The following OSBPL3 variants were observed in gnomAD, a reference collection of about 807,000 sequenced individuals.
OSBPL3 encodes oxysterol-binding protein-related protein 3.
A neutral mutation model predicts 120.1 loss-of-function variants in OSBPL3; 65 were observed. That is an observed-to-expected ratio of 0.54 (90% CI 0.44 to 0.67). The LOEUF (loss-of-function observed/expected upper bound fraction) is 0.67, where lower values mean the gene tolerates loss of function less well. OSBPL3 is among the 30% of genes least tolerant of loss of function. OSBPL3 has a pLI of 0.00. For missense variants in OSBPL3, 1,004 were observed against 1,082.1 expected, an observed-to-expected ratio of 0.93 and a Z score of 1.01; for synonymous variants, 416 against 402.6, an observed-to-expected ratio of 1.03 and a Z score of -0.40.
rs1391338255 is a variant in OSBPL3, at chr7:24,822,517, G to T, written c.1885-2279C>A. ...AGCTGGCATGACCCACTATGAAATG[G>T]AAGGAAAGCTATGAAATGTTCCTCT... On this transcript the variant is annotated intron_variant, in intron 16 of 22. Coordinates refer to ENST00000313367, the MANE Select transcript of OSBPL3 (RefSeq NM_015550.4). The surrounding 1 kb of genome is among the most constrained non-coding windows in gnomAD (Gnocchi z 5.8). Among the ~76,000 whole-genome samples the T allele has an allele frequency of 6.6e-6, 1 of 152,134 alleles. No individual in the cohort carries two copies. Among genetic ancestry groups the T allele is most frequent in the Non-Finnish European group, 1.5e-5 (1 of 68,008 alleles).
rs150613794 is a variant in OSBPL3, at chr7:24,913,552, G to C, written c.-149-20931C>G. Among the ~76,000 whole-genome samples the C allele has an allele frequency of 8.5e-4, 129 of 152,230 alleles. 1 individual carries two copies. The highest frequency in any genetic ancestry group is 2.8e-3 in the African/African-American group (117 of 41,530). ...GGGGCCAATCAGCTGACAAAGGCCG[G>C]TATGTGTCTGATAGTGACAGACACA... On this transcript the variant is annotated intron_variant, in intron 1 of 22. Coordinates refer to ENST00000313367, the MANE Select transcript of OSBPL3 (RefSeq NM_015550.4). This position sits in a 1 kb window ranked among gnomAD's most constrained non-coding sequence, Gnocchi z 5.3.
rs567119164 is a variant in OSBPL3 at position 24,946,631 on chromosome 7, G to A, written c.-150+33255C>T. On this transcript the variant is annotated intron_variant, in intron 1 of 22. Coordinates refer to ENST00000313367, the MANE Select transcript of OSBPL3 (RefSeq NM_015550.4). This position sits in a 1 kb window ranked among gnomAD's most constrained non-coding sequence, Gnocchi z 4.3. ...AGCCTAACAAGAGGGTTACAAAGCT[G>A]CTTTTGGACTTTGGACTCCTAAGCA... 6.6e-6 allele frequency among the ~76,000 whole-genome samples: 1 copy of A among 152,328 alleles called. No individual in the cohort carries two copies. Among genetic ancestry groups the A allele is most frequent in the African/African-American group, 2.4e-5 (1 of 41,578 alleles).
rs868406035 is a variant in OSBPL3, at chr7:24,913,087, G to C, written c.-149-20466C>G. On this transcript the variant is annotated intron_variant, in intron 1 of 22. Coordinates refer to ENST00000313367, the MANE Select transcript of OSBPL3 (RefSeq NM_015550.4). The surrounding 1 kb of genome is among the most constrained non-coding windows in gnomAD (Gnocchi z 5.3). ...CATGTGACTGAGCAAGGATTCAAAT[G>C]TCCCAGCCTCCAGCCTTCCTGCTGT... is the stretch of plus-strand genomic sequence containing the variant. 1.7e-4 allele frequency among the ~76,000 whole-genome samples: 26 copies of C among 152,330 alleles called. No homozygotes were observed. The highest frequency in any genetic ancestry group is 6.0e-4 in the African/African-American group (25 of 41,580).
In OSBPL3 at chr7:24,881,450, GAGATA is replaced by G. The variant is rs1239128272; in HGVS notation, c.97-9386_97-9382del. ...GTCCAAAGCTCATTATCAGGAACTA[GAGATA>G]CAAAGATGTAAAATCAAGTGCTGGA... On this transcript the variant is annotated intron_variant, in intron 2 of 22. Transcript: ENST00000313367. The surrounding 1 kb of genome is among the most constrained non-coding windows in gnomAD (Gnocchi z 4.3). 6.6e-6 allele frequency among the ~76,000 whole-genome samples: 1 copy of G among 152,198 alleles called. No individual in the cohort carries two copies. The highest frequency in any genetic ancestry group is 1.5e-5 in the Non-Finnish European group (1 of 68,024).
At chr7:24,847,979 G>C (rs1335843217) in intron 12 of OSBPL3, among the ~76,000 whole-genome samples, 1 of 152,226 alleles carries the variant, frequency 6.6e-6, no homozygotes, top group Non-Finnish European at 1.5e-5. Context: ...TTAACCACTA[G>C]CATGTGCCTC....
In OSBPL3 at chr7:24,939,394, G is replaced by A. The variant is rs188776633; in HGVS notation, c.-150+40492C>T. The stretch of plus-strand genomic sequence containing the variant: ...CTCCCCAACCCCAGCTGTAAATCCT[G>A]ACAATTCTAAACCTATCAGGTAAAA... On this transcript the variant is annotated intron_variant, in intron 1 of 22. Coordinates refer to ENST00000313367, the MANE Select transcript of OSBPL3 (RefSeq NM_015550.4). The surrounding 1 kb of genome is among the most constrained non-coding windows in gnomAD (Gnocchi z 4.2). 6.6e-6 allele frequency among the ~76,000 whole-genome samples: 1 copy of A among 152,294 alleles called. No individual in the cohort carries two copies. The highest frequency in any genetic ancestry group is 1.9e-4 in the East Asian group (1 of 5,174).
chr7:24,944,077 A>T (rs906838627), intron 1 of OSBPL3, among the ~76,000 whole-genome samples: 1 of 29,666 alleles, frequency 3.4e-5, no homozygotes, highest in African/African-American at 1.1e-4. Flanking sequence ...AGTCTAAAGT[A>T]AAAAAAAAAA....
intron 1 of OSBPL3, among the ~76,000 whole-genome samples, chr7:24,963,285 G>T (rs994734361): frequency 1.3e-5 from 2 of 152,146 alleles, no homozygotes; most frequent in African/African-American, 2.4e-5. Flanking sequence ...ACCAAAGAAG[G>T]GGGTGTTGGA....
intron 14 of OSBPL3, among the ~76,000 whole-genome samples, chr7:24,839,817 C>T (rs575516718): frequency 4.6e-5 from 7 of 151,578 alleles, no homozygotes; most frequent in East Asian, 1.9e-4. Flanking sequence ...GGTGAAACCT[C>T]GTCTCCACCG....
At chr7:24,848,882 C>G (rs367792652) in intron 12 of OSBPL3, among the ~76,000 whole-genome samples, 187 bp downstream of exon 12, 2 of 152,116 alleles carry the variant, frequency 1.3e-5, no homozygotes, top group African/African-American at 4.8e-5. Flanking sequence ...TAGCAGCATA[C>G]GCTCAAGAAA....
intron 1 of OSBPL3, among the ~76,000 whole-genome samples, chr7:24,929,000 A>G (rs148640989): frequency 1.3e-5 from 2 of 152,282 alleles, no homozygotes; most frequent in African/African-American, 4.8e-5. Context: ...CTCTTGGGTA[A>G]ATACAAAGAA....
At position 24,863,592 on chromosome 7, in the gene OSBPL3, C is replaced by T. The variant is rs78399024; in HGVS notation, c.681G>A (p.Ala227=). ...EDMEKCSKDL[A]HCHAYLVEMS... Reference sequence around the variant, plus strand: ...TTTCTACCAGGTAGGCATGACAGTGCGCCAGGTCTGTGGGGGAAAAGAGGA... The same window carrying T: ...TTTCTACCAGGTAGGCATGACAGTGTGCCAGGTCTGTGGGGGAAAAGAGGA... The change falls in exon 8 of 23, where the codon GCG becomes GCA. Residue 227 remains alanine (A), a synonymous_variant. Coordinates refer to ENST00000313367, the MANE Select transcript of OSBPL3 (RefSeq NM_015550.4). The surrounding 1 kb of genome is among the most constrained non-coding windows in gnomAD (Gnocchi z 5.8). The T allele has an allele frequency of 2.2e-3, 3,569 of 1,611,894 alleles. 41 individuals carry two copies. Among genetic ancestry groups the T allele is most frequent in the Admixed American group, 0.015 (876 of 60,018 alleles).
At chr7:24,970,104 C>CTTTTT (rs10540160) in intron 1 of OSBPL3, among the ~76,000 whole-genome samples, 104 of 83,004 alleles carry the variant, frequency 1.3e-3, no homozygotes, top group Non-Finnish European at 1.7e-3. Flanking sequence ...TCGTCCCTTT[C>CTTTTT]TTTTTTTTTT....
chr7:24,906,269 A>C, intron 1 of OSBPL3: 2 of 264,652 alleles, frequency 7.6e-6, no homozygotes, highest in South Asian at 7.4e-5. Flanking sequence ...TCATCCCAGG[A>C]GGAGGAGAAC....
chr7:24,866,291 ACAATTACTCAT>A, intron 5 of OSBPL3, 54 bp from the exon 6 acceptor site: 1 of 1,277,728 alleles, frequency 7.8e-7, no homozygotes, highest in East Asian at 2.3e-5. Context: ...ACTGGAAGGA[ACAATTACTCAT>A]CAAATTGAGG....
At chr7:24,846,739 A>G (rs1403311557) in intron 12 of OSBPL3, among the ~76,000 whole-genome samples, 3 of 152,218 alleles carry the variant, frequency 2.0e-5, no homozygotes, top group African/African-American at 2.4e-5. Flanking sequence ...GCCAGGCCCA[A>G]CACCAAAGAT....
Position 24,862,953 on chromosome 7 carries a change from C to G in OSBPL3, c.870+247G>C, listed in dbSNP as rs1038985962. On this transcript the variant is annotated intron_variant, in intron 9 of 22. Transcript: ENST00000313367. This position sits in a 1 kb window ranked among gnomAD's most constrained non-coding sequence, Gnocchi z 4.4. ...AAAAGCCCTAGAAATGGCAGCAGTC[C>G]CTGCGACCTCACACCCTTTTTCCCT... Among the ~76,000 whole-genome samples the G allele has an allele frequency of 6.6e-6, 1 of 152,154 alleles. No homozygotes were observed. Among genetic ancestry groups the G allele is most frequent in the Non-Finnish European group, 1.5e-5 (1 of 68,022 alleles).
chr7:24,949,585 G>A (rs1026597566), intron 1 of OSBPL3, among the ~76,000 whole-genome samples: 12 of 152,110 alleles, frequency 7.9e-5, no homozygotes, highest in Admixed American at 2.0e-4. Context: ...TTGCCATGGC[G>A]GGGAGTTCAG....
rs138913713 is a variant in OSBPL3, at chr7:24,887,820, G to A, written c.96+4557C>T. On this transcript the variant is annotated intron_variant, in intron 2 of 22. Transcript: ENST00000313367. ...AGTCCTTCTTAACACAATGCTCTGT[G>A]CAGCTACTACCAAGAGATAGATGCT... Among the ~76,000 whole-genome samples the A allele has an allele frequency of 3.3e-5, 5 of 152,274 alleles. No individual in the cohort carries two copies. In the East Asian group the frequency reaches 9.6e-4, roughly 29 times the overall value.
Sources: allele counts gnomAD v4.1 joint callset (sites outside exome capture counted in the v4.1 genomes callset), GRCh38; gene constraint gnomAD v4.1.1; non-coding constraint Gnocchi (gnomAD v3.1); transcripts MANE v1.5; gene names NCBI Gene and HGNC (gene_info 2026-07-23, HGNC 2026-07-21).